MAPKAP1: variants seen among roughly 807,000 people sequenced by gnomAD.
MAPKAP1 encodes target of rapamycin complex 2 subunit MAPKAP1.
A neutral mutation model predicts 65.7 loss-of-function variants in MAPKAP1; 20 were observed. The ratio of observed to expected loss-of-function variants is 0.30; its 90% CI spans 0.21 to 0.44. MAPKAP1 has a LOEUF of 0.44. MAPKAP1 is among the 20% of genes least tolerant of loss of function. The probability of loss-of-function intolerance (pLI) is 1.00; values close to 1 mark genes in which losing one functional copy is unlikely to be tolerated. For synonymous variants in MAPKAP1, 222 were observed against 244.3 expected (o/e 0.91, Z 0.85); for missense variants, 423 against 648.0 (o/e 0.65, Z 3.77).
chr9:125,672,249 T>A (rs1834518625), intron 2 of MAPKAP1, 67 bp downstream of exon 2: 1 of 1,545,682 alleles, frequency 6.5e-7, no homozygotes, highest in East Asian at 2.3e-5. Context: ...TCCAATATTA[T>A]GCATTATTCC....
intron 4 of MAPKAP1, among the ~76,000 whole-genome samples, chr9:125,636,384 A>G (rs1833424145): frequency 6.6e-6 from 1 of 152,230 alleles, no homozygotes; most frequent in African/African-American, 2.4e-5. Context: ...TTGAAAATAC[A>G]TAGGAAAAAA....
intron 7 of MAPKAP1, among the ~76,000 whole-genome samples, chr9:125,527,358 G>A (rs377727364): frequency 3.3e-5 from 5 of 152,236 alleles, no homozygotes; most frequent in East Asian, 3.9e-4. Flanking sequence ...GAGCCACCGC[G>A]CCCGGGCCTC....
chr9:125,532,499 A>C (rs187343359), intron 7 of MAPKAP1, among the ~76,000 whole-genome samples: 5 of 152,368 alleles, frequency 3.3e-5, no homozygotes, highest in East Asian at 3.9e-4. Flanking sequence ...GTAATCTCCC[A>C]ATTTATCCAC....
intron 3 of MAPKAP1, among the ~76,000 whole-genome samples, chr9:125,661,456 G>GT: frequency 6.6e-6 from 1 of 152,116 alleles, no homozygotes. Context: ...TGGTACATGC[G>GT]TATCACAGAG....
intron 11 of MAPKAP1, among the ~76,000 whole-genome samples, chr9:125,443,510 G>A (rs957048906): frequency 2.0e-5 from 3 of 152,168 alleles, no homozygotes; most frequent in Non-Finnish European, 2.9e-5. Context: ...GGGCTACTCA[G>A]AGTGTGGTGC....
chr9:125,542,088 AT>A (rs1194364836), intron 7 of MAPKAP1, among the ~76,000 whole-genome samples: 2 of 151,988 alleles, frequency 1.3e-5, no homozygotes, highest in Non-Finnish European at 2.9e-5. Context: ...TGAGAATCAG[AT>A]TTTCATTGCT....
At chr9:125,695,440 C>A (rs539398013) in intron 1 of MAPKAP1, among the ~76,000 whole-genome samples, 33 of 152,272 alleles carry the variant, frequency 2.2e-4, no homozygotes, top group Admixed American at 3.3e-4. Flanking sequence ...TTTCAGCTGT[C>A]ATTGCAAAGA....
At chr9:125,532,761 T>C (rs1829968482) in intron 7 of MAPKAP1, among the ~76,000 whole-genome samples, 1 of 152,218 alleles carries the variant, frequency 6.6e-6, no homozygotes, top group Admixed American at 6.5e-5. Flanking sequence ...TGCCCCAAAA[T>C]AAACCGGTTA....
At chr9:125,526,327 T>G (rs1050560041) in intron 7 of MAPKAP1, among the ~76,000 whole-genome samples, 3 of 152,206 alleles carry the variant, frequency 2.0e-5, no homozygotes, top group Non-Finnish European at 2.9e-5. Flanking sequence ...AATGTCAAAA[T>G]GTACATGTGA....
At chr9:125,681,150 C>A in intron 1 of MAPKAP1, among the ~76,000 whole-genome samples, 1 of 152,130 alleles carries the variant, frequency 6.6e-6, no homozygotes, top group East Asian at 1.9e-4. Context: ...TTTTTTAAGA[C>A]CACAATTTTT....
At position 125,463,201 on chromosome 9, in the gene MAPKAP1, C is replaced by A. The variant is rs372309042; in HGVS notation, c.1345+4771G>T. Among the ~76,000 whole-genome samples the A allele has an allele frequency of 1.6e-4, 24 of 152,336 alleles. 2 individuals are homozygous for A. The highest frequency in any genetic ancestry group is 5.3e-4 in the African/African-American group (22 of 41,568). ...AACATTCTCTTAAGCCCCAGTGCAA[C>A]AATGGAACGGGAAGGCAAAGGAAAT... On this transcript the variant is annotated intron_variant, in intron 10 of 11. Transcript: ENST00000265960.
chr9:125,596,059 A>G (rs1459210103), intron 4 of MAPKAP1: 3 of 1,239,768 alleles, frequency 2.4e-6, no homozygotes, highest in Non-Finnish European at 3.5e-6. Context: ...GGAAAAACTG[A>G]AGTGATTGAA....
rs145312839 is a variant in MAPKAP1, at chr9:125,568,614, T to A, written c.672-8805A>T. 5.2e-5 allele frequency: 8 copies of A among 152,466 alleles called. No homozygotes were observed. The East Asian group carries it at 1.5e-3, about 29-fold the overall frequency. 9.4% of individuals were successfully genotyped at this position (152,466 alleles called of 1,614,324 possible). A position where few individuals can be genotyped will look rare whatever the true frequency, so the allele number is the denominator to read the frequency against. On this transcript the variant is annotated intron_variant, in intron 5 of 11. Transcript: ENST00000265960. ...TTGAAACTCTAAGTCAGAGGTTGGA[T>A]TAAAGATGATGGGGCCCATCTGAGG...
chr9:125,521,610 TG>T, intron 7 of MAPKAP1: 1 of 1,495,904 alleles, frequency 6.7e-7, no homozygotes, highest in Non-Finnish European at 8.9e-7. Context: ...AATTTAGCTG[TG>T]GGGAACAGAC....
chr9:125,624,442 C>G (rs1452025590), intron 4 of MAPKAP1, among the ~76,000 whole-genome samples: 2 of 107,926 alleles, frequency 1.9e-5, no homozygotes, highest in Admixed American at 1.7e-4. Context: ...TGGGGGGGGT[C>G]AGCCCCCACG....
chr9:125,615,199 C>T (rs916870380), intron 4 of MAPKAP1, among the ~76,000 whole-genome samples: 2 of 151,894 alleles, frequency 1.3e-5, no homozygotes, highest in Non-Finnish European at 2.9e-5. Context: ...AATCTAACAA[C>T]AATGACAAAC....
chr9:125,662,947 T>A (rs1466024760), intron 3 of MAPKAP1, among the ~76,000 whole-genome samples: 1 of 152,186 alleles, frequency 6.6e-6, no homozygotes, highest in East Asian at 1.9e-4. Context: ...TAGTAAAATG[T>A]ATAAATCAAA....
intron 4 of MAPKAP1, among the ~76,000 whole-genome samples, chr9:125,619,068 G>A (rs547176657): frequency 1.2e-4 from 18 of 152,300 alleles, no homozygotes; most frequent in Admixed American, 1.3e-4. Context: ...AGAAGGTCAA[G>A]GCTATAGTGA....
intron 7 of MAPKAP1, among the ~76,000 whole-genome samples, chr9:125,514,054 A>G (rs996392717): frequency 1.3e-5 from 2 of 152,154 alleles, no homozygotes; most frequent in African/African-American, 2.4e-5. Context: ...GCTGGGTCTG[A>G]GCTCACATGT....
Sources: allele counts gnomAD v4.1 joint callset (sites outside exome capture counted in the v4.1 genomes callset), GRCh38; gene constraint gnomAD v4.1.1; transcripts MANE v1.5; gene names NCBI Gene and HGNC (gene_info 2026-07-23, HGNC 2026-07-21).